NLRP13: variants seen among roughly 807,000 people sequenced by gnomAD.
NLRP13 encodes NLR family pyrin domain containing 13, also known as NACHT, LRR and PYD domains-containing protein 13.
Under a neutral mutation model 94.4 loss-of-function variants are expected in NLRP13, and 82 were observed. The observed-to-expected ratio is 0.87, with a 90% CI of 0.73 to 1.04. The LOEUF is 1.04. Ranked by LOEUF, NLRP13 falls within the 50% of genes least tolerant of loss-of-function variation. The pLI is 0.00. For missense variants in NLRP13, 1,426 were observed against 1,230.8 expected (o/e 1.16, Z -2.37); for synonymous variants, 553 against 464.7 (o/e 1.19, Z -2.45).
At chr19:55,920,614 TG>T (rs1568444328) in intron 4 of NLRP13, among the ~76,000 whole-genome samples, 2 of 152,092 alleles carry the variant, frequency 1.3e-5, no homozygotes, top group African/African-American at 4.8e-5. Context: ...ACCCAAATGT[TG>T]GCAAGGATTC....
In NLRP13 at chr19:55,912,515, A is replaced by G. The variant is rs761100574; in HGVS notation, c.1302T>C (p.Cys434=). Residue 434 remains cysteine (C), a synonymous_variant, in exon 5 of 11, where the codon TGT becomes TGC. Transcript: ENST00000342929. ...APMVCWTVCS[C]LKQPKVRYYD... Reference sequence around the variant, plus strand: ...AATACCTCACCTTCGGCTGCTTCAGACAGGAACATACGGTCCAACACACCA... The same window carrying G: ...AATACCTCACCTTCGGCTGCTTCAGGCAGGAACATACGGTCCAACACACCA... The G allele has an allele frequency of 6.2e-7, 1 of 1,614,174 alleles. No homozygotes were observed. Among genetic ancestry groups the G allele is most frequent in the South Asian group, 1.1e-5 (1 of 91,088 alleles).
chr19:55,898,332 C>T (rs1486265734), intron 10 of NLRP13, among the ~76,000 whole-genome samples: 1 of 151,854 alleles, frequency 6.6e-6, no homozygotes, highest in Non-Finnish European at 1.5e-5. Flanking sequence ...GCCTCAGCCT[C>T]CTGAGTAGCT....
intron 1 of NLRP13, among the ~76,000 whole-genome samples, chr19:55,930,462 A>G (rs11670135): frequency 0.18 from 28,029 of 151,894 alleles, 2,813 homozygotes; most frequent in African/African-American, 0.26. Flanking sequence ...GAGGCAGGCA[A>G]ATCACCTGAG....
At chr19:55,931,904 G>A in intron 1 of NLRP13, 89 bp downstream of exon 1, 2 of 1,084,760 alleles carry the variant, frequency 1.8e-6, no homozygotes, top group Non-Finnish European at 1.4e-6. Flanking sequence ...GATCGGCAGT[G>A]TGGAATGACC....
At chr19:55,901,613 T>C (rs920595289) in intron 9 of NLRP13, among the ~76,000 whole-genome samples, 71 of 152,242 alleles carry the variant, frequency 4.7e-4, no homozygotes, top group African/African-American at 1.5e-3. Flanking sequence ...GAAGAAAGGA[T>C]TGATCAGGCT....
At chr19:55,896,165 TG>T (rs778074572) in intron 10 of NLRP13, 46 bp from the exon 11 acceptor site, 6 of 1,593,312 alleles carry the variant, frequency 3.8e-6, no homozygotes, top group Non-Finnish European at 5.1e-6. Flanking sequence ...CCTCTGAGAC[TG>T]GGAAGTTAGA....
At chr19:55,929,629 T>TG (rs1158275978) in intron 1 of NLRP13, among the ~76,000 whole-genome samples, 2 of 151,662 alleles carry the variant, frequency 1.3e-5, no homozygotes, top group Admixed American at 1.3e-4. Context: ...TGTCAGTGGG[T>TG]GGGGGGCTAG....
intron 1 of NLRP13, among the ~76,000 whole-genome samples, chr19:55,928,512 G>T (rs1428600628): frequency 1.3e-5 from 2 of 152,146 alleles, no homozygotes; most frequent in Non-Finnish European, 2.9e-5. Flanking sequence ...ATGCATGCCA[G>T]TATCAAAATA....
chr19:55,902,025 G>T lies in NLRP13; in HGVS notation c.2789+10C>A. 1 of 1,613,606 alleles carries T rather than the reference G, an allele frequency of 6.2e-7. No individual in the cohort carries two copies. The highest frequency in any genetic ancestry group is 8.5e-7 in the Non-Finnish European group (1 of 1,179,668). On this transcript the variant is annotated intron_variant, in intron 9 of 10. Coordinates refer to ENST00000342929, the MANE Select transcript of NLRP13 (RefSeq NM_176810.2). ...CATCTGCCAACTCAGAGGGAGCCAA[G>T]AAAACTTACTTCAGGCTCTGCAGGT...
At chr19:55,922,685 A>G (rs1011017505) in intron 4 of NLRP13, among the ~76,000 whole-genome samples, 42 of 152,306 alleles carry the variant, frequency 2.8e-4, no homozygotes, top group African/African-American at 1.0e-3. Context: ...CTAGGAAACT[A>G]CTGTAGCATA....
chr19:55,901,453 G>A (rs1048490491), intron 9 of NLRP13, among the ~76,000 whole-genome samples: 3 of 152,144 alleles, frequency 2.0e-5, no homozygotes, highest in African/African-American at 4.8e-5. Context: ...AGTCGTCTGC[G>A]ATGAGCTGGA....
Position 55,925,024 on chromosome 19 carries a change from T to A in NLRP13, c.331A>T (p.Thr111Ser), listed in dbSNP as rs1433825807. The stretch of plus-strand genomic sequence containing the variant: ...TGGGTTGGATCTTGCAGCTCTTGGG[T>A]CTGCACATTCTCTGAAACAAACAGT... Reference protein sequence around the residue: ...VRAEMKENVQTQELQDPTQED... With the variant: ...VRAEMKENVQSQELQDPTQED... Residue 111 changes from threonine to serine, a missense_variant, in exon 2 of 11, where the codon ACC becomes TCC. By Grantham distance (58) the Thr-to-Ser change is moderately conservative (BLOSUM62 1). Transcript: ENST00000342929. The A allele has an allele frequency of 1.2e-6, 2 of 1,613,822 alleles. No homozygotes were observed. Among genetic ancestry groups the A allele is most frequent in the Non-Finnish European group, 8.5e-7 (1 of 1,179,860 alleles).
rs1381557327 is a variant in NLRP13, at chr19:55,910,671, T to C, written c.2174A>G (p.Asn725Ser). The C allele has an allele frequency of 1.9e-6, 3 of 1,613,986 alleles. No homozygotes were observed. The South Asian group carries it at 3.3e-5, about 18-fold the overall frequency. The change falls in exon 6 of 11, where the codon AAT (asparagine) becomes AGT (serine). Residue 725 changes from asparagine to serine, a missense_variant. Asn to Ser is a conservative substitution (Grantham distance 46). Coordinates refer to ENST00000342929, the MANE Select transcript of NLRP13 (RefSeq NM_176810.2). ...CAGGTCTAGCTCATGCAGATTCTCA[T>C]TTGTGACCAACGTAGAGCAAATGCT... ...WNSICSTLVT[N>S]ENLHELDLSN...
Position 55,905,032 on chromosome 19 carries a change from A to G in NLRP13, c.2528T>C (p.Leu843Ser), listed in dbSNP as rs770960378. ...FLTSIQHVTR[L>S]CLGFNRLQDD... ...TTGGAGCCGATTAAATCCCAGGCAC[A>G]ATCGAGTTACGTGTTGGATGCTGGT... The change falls in exon 8 of 11, where the codon TTG (leucine) becomes TCG (serine). Residue 843 changes from leucine (L) to serine (S), a missense_variant. Physicochemically the swap from Leu to Ser is moderately radical, Grantham distance 145. Transcript: ENST00000342929. 1.9e-6 allele frequency: 3 copies of G among 1,613,934 alleles called. No homozygotes were observed. The South Asian group carries it at 3.3e-5, about 18-fold the overall frequency.
intron 4 of NLRP13, among the ~76,000 whole-genome samples, chr19:55,913,960 G>A (rs943005281): frequency 5.3e-5 from 8 of 152,160 alleles, no homozygotes; most frequent in African/African-American, 1.9e-4. Context: ...AGCAACAAGG[G>A]ATTTGGGCAG....
rs1986524194 is a variant in NLRP13, at chr19:55,911,865, G to A, written c.1952C>T (p.Thr651Ile). ...CLHESQEEDF[T>I]KKMLGRIFEV... is the part of the protein sequence containing the mutation. Reference sequence around the variant, plus strand: ...AAAGATACGACCCAACATCTTCTTTGTGAAGTCTTCCTCCTGGGACTCGTG... The same window carrying A: ...AAAGATACGACCCAACATCTTCTTTATGAAGTCTTCCTCCTGGGACTCGTG... The change falls in exon 5 of 11, where the codon ACA becomes ATA. Residue 651 changes from threonine (T) to isoleucine (I), a missense_variant. Physicochemically the swap from Thr to Ile is moderately conservative, Grantham distance 89 (BLOSUM62 -1). Coordinates refer to ENST00000342929, the MANE Select transcript of NLRP13 (RefSeq NM_176810.2). 1.9e-6 allele frequency: 3 copies of A among 1,614,046 alleles called. No individual in the cohort carries two copies. The highest frequency in any genetic ancestry group is 3.3e-5 in the Admixed American group (2 of 60,008).
intron 4 of NLRP13, among the ~76,000 whole-genome samples, chr19:55,916,807 G>A (rs1352549730): frequency 1.3e-5 from 2 of 152,038 alleles, no homozygotes; most frequent in Non-Finnish European, 2.9e-5. Flanking sequence ...GGAAATAATT[G>A]AGAAAAACTT....
At chr19:55,893,030 A>G (rs562491209), downstream of NLRP13, among the ~76,000 whole-genome samples, 11 of 152,198 alleles carry the variant, frequency 7.2e-5, no homozygotes, top group Non-Finnish European at 1.6e-4. Flanking sequence ...GGTGCAGTGT[A>G]AAGTGGCAAA....
In NLRP13 at chr19:55,913,309, TG is replaced by T. The variant is rs756093826; in HGVS notation, c.524-17del. ...CTTCTGTGGTCTAGAGAGGGCGGAG[TG>T]GGGAGAAGAATGGTAAGAATAAATT... is the stretch of plus-strand genomic sequence containing the variant. On this transcript the variant is annotated splice_polypyrimidine_tract_variant and intron_variant, in intron 4 of 10. Transcript: ENST00000342929. The T allele has an allele frequency of 5.0e-6, 8 of 1,603,244 alleles. No homozygotes were observed. In the Admixed American group the frequency reaches 1.4e-4, roughly 27 times the overall value.
Sources: allele counts gnomAD v4.1 joint callset (sites outside exome capture counted in the v4.1 genomes callset), GRCh38; gene constraint gnomAD v4.1.1; transcripts MANE v1.5; gene names NCBI Gene and HGNC (gene_info 2026-07-23, HGNC 2026-07-21).